The following MIB1 variants were observed in gnomAD, a reference collection of about 807,000 sequenced individuals.
MIB1 encodes the protein E3 ubiquitin-protein ligase MIB1.
MIB1 carries 278 observed loss-of-function variants against 124.5 expected under a neutral mutation model. That is an observed-to-expected ratio of 2.23 (90% CI 2.02 to 2.47). The LOEUF (loss-of-function observed/expected upper bound fraction) is 2.47. Among genes scored for constraint, MIB1 ranks in the 30% most tolerant of loss-of-function variants. MIB1 has a pLI of 0.00. For missense variants in MIB1, 957 were observed against 1,254.4 expected (o/e 0.76, Z 3.58); for synonymous variants, 446 against 429.4 (o/e 1.04, Z -0.48).
rs1414542363 is a variant in MIB1 at position 21,724,761 on chromosome 18, T to A, written n.167+19638T>A. 4.7e-5 allele frequency among the ~76,000 whole-genome samples: 5 copies of A among 105,856 alleles called. 1 individual carries two copies. Among genetic ancestry groups the A allele is most frequent in the African/African-American group, 1.8e-4 (5 of 27,122 alleles). The allele number at this position is 105,856 out of a possible 152,430, so 69.4% of individuals were successfully genotyped here. On this transcript the variant is annotated intron_variant and non_coding_transcript_variant, in intron 1 of 20. Transcript: ENST00000578646. ...ATATATATATATATATATATATATA[T>A]ATATATATATATTAGTCTATATGGA... is the stretch of plus-strand genomic sequence containing the variant.
At chr18:21,821,896 C>A (rs2041882638) in intron 12 of MIB1, among the ~76,000 whole-genome samples, 1 of 152,162 alleles carries the variant, frequency 6.6e-6, no homozygotes, top group Admixed American at 6.5e-5. Flanking sequence ...CCACCGCGCC[C>A]TTCCTCTGTG....
At chr18:21,802,851 A>G (rs2041664667) in intron 9 of MIB1, among the ~76,000 whole-genome samples, 1 of 152,194 alleles carries the variant, frequency 6.6e-6, no homozygotes, top group Non-Finnish European at 1.5e-5. Flanking sequence ...TCTAAATACC[A>G]TCCTATAGCA....
At chr18:21,861,275 T>G (rs1374006939) in intron 20 of MIB1, among the ~76,000 whole-genome samples, 2 of 151,966 alleles carry the variant, frequency 1.3e-5, no homozygotes, top group Admixed American at 6.6e-5. Context: ...ATCTAATACA[T>G]CTAATATAAT....
intron 1 of MIB1, among the ~76,000 whole-genome samples, chr18:21,720,113 A>G (rs1158791804): frequency 2.6e-5 from 4 of 152,236 alleles, no homozygotes; most frequent in Non-Finnish European, 5.9e-5. Context: ...TGCCTTTTCT[A>G]TATCAATCAT....
rs1291598931 is a variant in MIB1 at position 21,864,605 on chromosome 18, A to AC, written c.2962dup (p.Arg988ProfsTer4). On this transcript the variant is annotated frameshift_variant, in exon 21 of 21. Transcript: ENST00000261537. LOFTEE classifies it high-confidence loss of function. ...CACGGAACCTGTCAACTCTGTGGAGACCGCATGAGTGAATGTCCTATCTGT... is the reference window on the plus strand; with the variant it reads ...CACGGAACCTGTCAACTCTGTGGAGACCCGCATGAGTGAATGTCCTATCTGT... 1 of 1,613,586 alleles carries AC rather than the reference A, an allele frequency of 6.2e-7. No individual in the cohort carries two copies. The highest frequency in any genetic ancestry group is 1.7e-5 in the Admixed American group (1 of 60,030).
chr18:21,840,650 TATATATATATATATA>T (rs1426389049), intron 13 of MIB1, among the ~76,000 whole-genome samples: 151 of 3,558 alleles, frequency 0.042, no homozygotes, highest in South Asian at 0.17. Flanking sequence ...TATATATATA[TATATATATATATATA>T]TTTTTTTTTT....
At chr18:21,837,517 A>G (rs566383580) in intron 12 of MIB1, among the ~76,000 whole-genome samples, 1 of 152,332 alleles carries the variant, frequency 6.6e-6, no homozygotes, top group East Asian at 1.9e-4. Flanking sequence ...CAGGAAAACA[A>G]ACAGACAAAC....
At position 21,860,167 on chromosome 18, in the gene MIB1, C is replaced by G. The variant is rs570285934; in HGVS notation, c.2880+1521C>G. Among the ~76,000 whole-genome samples the G allele has an allele frequency of 7.5e-5, 9 of 119,400 alleles. 1 individual carries two copies. The South Asian group carries it at 2.7e-3, about 35-fold the overall frequency. 78.3% of individuals were successfully genotyped at this position (119,400 alleles called of 152,430 possible). ...CCAGGCTGGAGTGCAGTGGCGCAAT[C>G]TTGGCTCACTGAAACCTCTGCCTCC... On this transcript the variant is annotated intron_variant, in intron 20 of 20. Transcript: ENST00000261537.
chr18:21,734,772 A>G (rs558922315), intron 1 of MIB1, among the ~76,000 whole-genome samples: 70 of 152,186 alleles, frequency 4.6e-4, no homozygotes, highest in African/African-American at 1.6e-3. Flanking sequence ...CAAATGATCC[A>G]TCCGCCTCGG....
At position 21,765,834 on chromosome 18, in the gene MIB1, TG is replaced by T; in HGVS notation, c.294del (p.Trp98Ter). The T allele has an allele frequency of 6.2e-7, 1 of 1,614,182 alleles. No homozygotes were observed. Among genetic ancestry groups the T allele is most frequent in the Non-Finnish European group, 8.5e-7 (1 of 1,180,012 alleles). ...CCAGCAACCAATCATTGGCATTCGA[TG>T]GAAGTGTGCAGAGTGTACAAATTAT... Reference protein sequence around the residue: ...CRQQPIIGIRWKCAECTNYDL... With the variant: ...CRQQPIIGIRXKCAECTNYDL... On this transcript the variant is annotated frameshift_variant, in exon 2 of 21. Coordinates refer to ENST00000261537, the MANE Select transcript of MIB1 (RefSeq NM_020774.4). LOFTEE classifies it high-confidence loss of function.
chr18:21,851,472 C>G (rs2042179585), intron 17 of MIB1, among the ~76,000 whole-genome samples: 1 of 151,980 alleles, frequency 6.6e-6, no homozygotes, highest in African/African-American at 2.4e-5. Flanking sequence ...TATACCCACC[C>G]AACAGATTTG....
intron 6 of MIB1, among the ~76,000 whole-genome samples, chr18:21,787,890 C>G (rs2041455297): frequency 6.6e-6 from 1 of 151,898 alleles, no homozygotes; most frequent in Admixed American, 6.6e-5. Context: ...TATGCACTTC[C>G]TCACTTATGT....
chr18:21,732,540 GCATGTGCTACCATGCCTGC>G (rs991729864), intron 1 of MIB1, among the ~76,000 whole-genome samples: 17 of 151,988 alleles, frequency 1.1e-4, no homozygotes, highest in African/African-American at 4.1e-4. Context: ...GGGACCACAG[GCATGTGCTACCATGCCTGC>G]CTAGCTTTTT....
intron 10 of MIB1, 44 bp downstream of exon 10, chr18:21,804,058 A>AG: frequency 1.8e-5 from 23 of 1,309,826 alleles, no homozygotes; most frequent in Non-Finnish European, 2.3e-5. Context: ...TTTATTTCCT[A>AG]GAAATAATAC....
At chr18:21,781,680 G>T (rs2041370000) in intron 6 of MIB1, among the ~76,000 whole-genome samples, 1 of 151,646 alleles carries the variant, frequency 6.6e-6, no homozygotes, top group South Asian at 2.1e-4. Flanking sequence ...CTCCCAAAGT[G>T]CTGAGATTAC....
rs562629953 is a variant in MIB1, at chr18:21,844,193, G to A, written c.2151G>A (p.Gln717=). 6.2e-7 allele frequency: 1 copy of A among 1,614,144 alleles called. No individual in the cohort carries two copies. Among genetic ancestry groups the A allele is most frequent in the East Asian group, 2.2e-5 (1 of 44,880 alleles). ...ATCACACTTTGTCTCAGCTACGTCA[G>A]CTCCAAGATATGCAAGATGTGGGGA... is the stretch of plus-strand genomic sequence containing the variant. ...LRHHTLSQLR[Q]LQDMQDVGKV... Residue 717 remains glutamine (Q), a synonymous_variant, in exon 15 of 21, where the codon CAG becomes CAA. Coordinates refer to ENST00000261537, the MANE Select transcript of MIB1 (RefSeq NM_020774.4).
At chr18:21,761,997 A>T (rs1231468926) in intron 1 of MIB1, among the ~76,000 whole-genome samples, 1 of 152,164 alleles carries the variant, frequency 6.6e-6, no homozygotes, top group Admixed American at 6.5e-5. Context: ...GGGGACTTTC[A>T]CATTTTGTTC....
Position 21,724,727 on chromosome 18 carries a change from AATATATATATATATATATATATATATAT to A in MIB1, n.167+19623_167+19650del, listed in dbSNP as rs60650753. On this transcript the variant is annotated intron_variant and non_coding_transcript_variant, in intron 1 of 20. Transcript: ENST00000578646. ...CTCCCCCATCCAAAAAAAAAAAAAA[AATATATATATATATATATATATATATAT>A]ATATATATATATATATATTAGTCTA... Among the ~76,000 whole-genome samples, 34 of 17,378 alleles carry A rather than the reference AATATATATATATATATATATATATATAT, an allele frequency of 2.0e-3. 1 individual carries two copies. Among genetic ancestry groups the A allele is most frequent in the South Asian group, 5.7e-3 (2 of 350 alleles). 11.4% of individuals were successfully genotyped at this position (17,378 alleles called of 152,430 possible).
intron 15 of MIB1, among the ~76,000 whole-genome samples, chr18:21,845,644 G>C (rs936063711): frequency 4.0e-5 from 6 of 151,640 alleles, no homozygotes; most frequent in Admixed American, 3.9e-4. Flanking sequence ...TTTTTTTTGA[G>C]ACAGAGTCTT....
Sources: gnomAD v4.1 joint callset for allele counts (sites outside exome capture counted in the v4.1 genomes callset) on GRCh38, gnomAD v4.1.1 for gene constraint, MANE v1.5 for transcripts, NCBI Gene and HGNC (gene_info 2026-07-23, HGNC 2026-07-21) for gene names.